RALGPS2: variants seen among roughly 807,000 people sequenced by gnomAD.
The protein encoded by RALGPS2 is Ral GEF with PH domain and SH3 binding motif 2, also known as ras-specific guanine nucleotide-releasing factor RalGPS2.
A neutral mutation model predicts 86.8 loss-of-function variants in RALGPS2; 43 were observed. That is an observed-to-expected ratio of 0.50 (90% CI 0.39 to 0.64). The LOEUF (loss-of-function observed/expected upper bound fraction) is 0.64, where lower values mean the gene tolerates loss of function less well. RALGPS2 is among the 30% of genes least tolerant of loss of function. The pLI is 0.00. For synonymous variants in RALGPS2, 243 were observed against 231.3 expected (o/e 1.05, Z -0.46); for missense variants, 536 against 694.6 (o/e 0.77, Z 2.57).
At chr1:178,746,050 GACCTCAGGTGATCC>G (rs1651310555) in intron 1 of RALGPS2, among the ~76,000 whole-genome samples, 1 of 151,942 alleles carries the variant, frequency 6.6e-6, no homozygotes, top group Non-Finnish European at 1.5e-5. Context: ...TCGACCTCCT[GACCTCAGGTGATCC>G]ACCCACCTCA....
intron 1 of RALGPS2, among the ~76,000 whole-genome samples, chr1:178,728,529 G>A (rs1431224043): frequency 1.3e-5 from 2 of 150,236 alleles, no homozygotes. Flanking sequence ...TATTTATTGT[G>A]TAACGACTGT....
intron 1 of RALGPS2, among the ~76,000 whole-genome samples, chr1:178,770,343 C>G (rs1248572736): frequency 6.6e-6 from 1 of 151,954 alleles, no homozygotes; most frequent in Non-Finnish European, 1.5e-5. Context: ...TCTTTATGCA[C>G]TATCTTGATA....
chr1:178,782,199 G>T (rs184619520), intron 2 of RALGPS2, among the ~76,000 whole-genome samples: 4 of 152,284 alleles, frequency 2.6e-5, no homozygotes, highest in African/African-American at 9.6e-5. Flanking sequence ...TTGATGAACT[G>T]CTGGAGACAG....
intron 2 of RALGPS2, among the ~76,000 whole-genome samples, chr1:178,777,037 G>T (rs1469250252): frequency 1.3e-5 from 2 of 151,182 alleles, no homozygotes; most frequent in Non-Finnish European, 2.9e-5. Flanking sequence ...TGCCATGCTG[G>T]TGCGCTGCAC....
At chr1:178,752,951 G>A (rs1651761675) in intron 1 of RALGPS2, among the ~76,000 whole-genome samples, 1 of 152,036 alleles carries the variant, frequency 6.6e-6, no homozygotes, top group Non-Finnish European at 1.5e-5. Flanking sequence ...TCATTAATAT[G>A]GACTCTGCCT....
chr1:178,774,241 T>A (rs1030958647), intron 1 of RALGPS2, among the ~76,000 whole-genome samples: 1 of 151,542 alleles, frequency 6.6e-6, no homozygotes, highest in East Asian at 1.9e-4. Context: ...TGCCATTGCA[T>A]GCCAGCCTGG....
chr1:178,885,053 A>G (rs752751964), intron 11 of RALGPS2, 23 bp from the exon 12 acceptor site: 3 of 1,547,502 alleles, frequency 1.9e-6, no homozygotes, highest in Non-Finnish European at 1.7e-6. Context: ...TCATTTGAAA[A>G]TCTCTTTAAA....
chr1:178,811,867 A>T (rs903171708), intron 6 of RALGPS2, among the ~76,000 whole-genome samples: 1 of 152,222 alleles, frequency 6.6e-6, no homozygotes, highest in East Asian at 1.9e-4. Context: ...TGTGACATAG[A>T]TAATAAATAC....
intron 16 of RALGPS2, among the ~76,000 whole-genome samples, chr1:178,895,630 G>A (rs772545373): frequency 3.3e-5 from 5 of 152,030 alleles, no homozygotes; most frequent in Non-Finnish European, 7.4e-5. Flanking sequence ...TTGAAATTGG[G>A]GAAGGTGGAG....
chr1:178,892,587 A>C (rs1572457006), intron 15 of RALGPS2, among the ~76,000 whole-genome samples: 1 of 152,106 alleles, frequency 6.6e-6, no homozygotes, highest in Admixed American at 6.6e-5. Flanking sequence ...AGTCTTTCTA[A>C]TGCTGATAGT....
intron 9 of RALGPS2, 27 bp from the exon 10 acceptor site, chr1:178,878,874 AG>A: frequency 6.2e-7 from 1 of 1,606,942 alleles, no homozygotes; most frequent in Non-Finnish European, 8.5e-7. Context: ...GTACTTTATC[AG>A]ATAATTATTT....
intron 18 of RALGPS2, among the ~76,000 whole-genome samples, chr1:178,904,092 C>G (rs1660291103): frequency 6.6e-6 from 1 of 151,978 alleles, no homozygotes; most frequent in African/African-American, 2.4e-5. Flanking sequence ...TTTGCATTTC[C>G]CTGATCATTA....
chr1:178,780,029 C>T (rs1242101925), intron 2 of RALGPS2, among the ~76,000 whole-genome samples: 3 of 152,186 alleles, frequency 2.0e-5, no homozygotes, highest in South Asian at 2.1e-4. Context: ...CCACTGCATC[C>T]GGCCAATGTG....
Position 178,725,375 on chromosome 1 carries a change from G to T in RALGPS2, c.-128G>T, listed in dbSNP as rs866971217. 19 of 154,502 alleles carry T rather than the reference G, an allele frequency of 1.2e-4. No homozygotes were observed. Among genetic ancestry groups the T allele is most frequent in the Middle Eastern group, 3.2e-3 (1 of 308 alleles). 9.6% of individuals were successfully genotyped at this position (154,502 alleles called of 1,614,324 possible). ...GGCCGTGGCGGTGAAGCGTGAGGCC[G>T]GCATCGTCTTTCCGTCCTCTGAGGC... is the stretch of plus-strand genomic sequence containing the variant. On this transcript the variant is annotated 5_prime_UTR_variant, in exon 1 of 20. Coordinates refer to ENST00000367635, the MANE Select transcript of RALGPS2 (RefSeq NM_152663.5).
At chr1:178,815,952 TATGG>T (rs1427838564) in intron 6 of RALGPS2, among the ~76,000 whole-genome samples, 2 of 152,244 alleles carry the variant, frequency 1.3e-5, no homozygotes, top group African/African-American at 4.8e-5. Flanking sequence ...ATTTCCAGTG[TATGG>T]ATATTCCACA....
rs146538574 is a variant in RALGPS2, at chr1:178,796,281, T to TTA, written c.213+10686_213+10687dup. Among the ~76,000 whole-genome samples the TTA allele has an allele frequency of 4.0e-3, 600 of 151,846 alleles. 6 individuals are homozygous for TTA. The highest frequency in any genetic ancestry group is 0.012 in the African/African-American group (512 of 41,404). ...TGAGTACATTAGAAAATAGAAGGGT[T>TTA]TATATATATATATCTTAATACCTAG... On this transcript the variant is annotated intron_variant, in intron 4 of 19. Coordinates refer to ENST00000367635, the MANE Select transcript of RALGPS2 (RefSeq NM_152663.5).
intron 13 of RALGPS2, among the ~76,000 whole-genome samples, chr1:178,886,787 A>AG (rs2102380844): frequency 6.6e-6 from 1 of 152,184 alleles, no homozygotes; most frequent in East Asian, 1.9e-4. Flanking sequence ...CAGTGAAGTA[A>AG]GGGGAAAAAA....
chr1:178,905,260 T>C (rs9988552), intron 18 of RALGPS2, among the ~76,000 whole-genome samples: 14,722 of 152,286 alleles, frequency 0.097, 1,589 homozygotes, highest in African/African-American at 0.27. Flanking sequence ...CATTTCAAGA[T>C]GAGAGCATTT....
At position 178,879,954 on chromosome 1, in the gene RALGPS2, T is replaced by A. The variant is rs1329573121; in HGVS notation, c.836+962T>A. 2.0e-5 allele frequency among the ~76,000 whole-genome samples: 3 copies of A among 151,118 alleles called. No homozygotes were observed. In the East Asian group the frequency reaches 5.8e-4, roughly 29 times the overall value. On this transcript the variant is annotated intron_variant, in intron 10 of 19. Transcript: ENST00000367635. ...TACAGTTTACATCAAAACTGCTGGG[T>A]TTTTTTTTAAGGTAGGAGGATAAAG...
Sources: allele counts gnomAD v4.1 joint callset (sites outside exome capture counted in the v4.1 genomes callset), GRCh38; gene constraint gnomAD v4.1.1; transcripts MANE v1.5; gene names NCBI Gene and HGNC (gene_info 2026-07-23, HGNC 2026-07-21).